NEDD4L: variants seen among roughly 807,000 people sequenced by gnomAD.
NEDD4L encodes the protein NEDD4 like E3 ubiquitin protein ligase.
A neutral mutation model predicts 148.9 loss-of-function variants in NEDD4L; 54 were observed. The ratio of observed to expected loss-of-function variants is 0.36; its 90% CI spans 0.29 to 0.45. NEDD4L has a LOEUF of 0.45. Among genes scored for constraint, NEDD4L ranks in the 20% least tolerant of loss-of-function variants. The pLI, the probability that NEDD4L is intolerant of heterozygous loss-of-function variation, is 1.00. For synonymous variants in NEDD4L, 433 were observed against 440.7 expected, an observed-to-expected ratio of 0.98 and a Z score of 0.22; for missense variants, 856 against 1,233.8, an observed-to-expected ratio of 0.69 and a Z score of 4.59.
intron 24 of NEDD4L, among the ~76,000 whole-genome samples, chr18:58,377,682 A>T (rs1406165174): frequency 6.6e-6 from 1 of 152,110 alleles, no homozygotes; most frequent in Non-Finnish European, 1.5e-5. Flanking sequence ...TTAGGGCTGT[A>T]ACAAGTGAAA....
In NEDD4L at chr18:58,256,608, C is replaced by T. The variant is rs2048615522; in HGVS notation, c.297+4554C>T. The T allele has an allele frequency of 2.4e-6, 3 of 1,232,096 alleles. No homozygotes were observed. The highest frequency in any genetic ancestry group is 8.2e-5 in the South Asian group (2 of 24,314). The allele number at this position is 1,232,096 out of a possible 1,614,324, so 76.3% of individuals were successfully genotyped here. A position where few individuals can be genotyped will look rare whatever the true frequency, so the allele number is the denominator to read the frequency against. ...CCTGAAATCCGCAGGACGAACTCCG[C>T]GGAGAGGACTCCGCAGGGCCAGGGG... On this transcript the variant is annotated intron_variant, in intron 5 of 30. Coordinates refer to ENST00000400345, the MANE Select transcript of NEDD4L (RefSeq NM_001144967.3). The surrounding 1 kb of genome is among the most constrained non-coding windows in gnomAD (Gnocchi z 5.2).
At chr18:58,079,083 G>A (rs2083310637) in intron 1 of NEDD4L, among the ~76,000 whole-genome samples, 1 of 152,164 alleles carries the variant, frequency 6.6e-6, no homozygotes, top group African/African-American at 2.4e-5. Flanking sequence ...GAAGACACCC[G>A]TGTCTGCGGG....
At chr18:58,378,771 C>G (rs2047923281) in intron 24 of NEDD4L, among the ~76,000 whole-genome samples, 1 of 152,314 alleles carries the variant, frequency 6.6e-6, no homozygotes, top group East Asian at 1.9e-4. Flanking sequence ...GCAGATAAGC[C>G]TTGCTCCACC....
intron 1 of NEDD4L, among the ~76,000 whole-genome samples, chr18:58,137,247 A>G (rs2032950004): frequency 6.6e-6 from 1 of 152,222 alleles, no homozygotes; most frequent in African/African-American, 2.4e-5. Flanking sequence ...ATTTATTCTT[A>G]GAGGAAATCA....
chr18:58,389,276 C>T, intron 28 of NEDD4L, 84 bp downstream of exon 28: 6 of 964,960 alleles, frequency 6.2e-6, no homozygotes, highest in Non-Finnish European at 9.5e-6. Context: ...TGTGGTCTGA[C>T]TTCAGGACTG....
intron 2 of NEDD4L, among the ~76,000 whole-genome samples, chr18:58,175,772 G>T (rs1414220420): frequency 6.6e-6 from 1 of 152,198 alleles, no homozygotes; most frequent in Non-Finnish European, 1.5e-5. Flanking sequence ...CGCAAATATA[G>T]ATAAAAACCT....
chr18:58,221,297 A>T (rs1462643301), intron 2 of NEDD4L, among the ~76,000 whole-genome samples: 2 of 152,230 alleles, frequency 1.3e-5, no homozygotes, highest in Admixed American at 6.5e-5. Context: ...ACATAGAGTC[A>T]TCCACAAAAC....
chr18:58,239,456 CCCCCTTGACATTTTG>C (rs1225984005), intron 2 of NEDD4L, among the ~76,000 whole-genome samples: 6 of 152,164 alleles, frequency 3.9e-5, no homozygotes, highest in African/African-American at 1.4e-4. Flanking sequence ...TGAATGTAAT[CCCCCTTGACATTTTG>C]CCCCTTGGAG....
intron 16 of NEDD4L, among the ~76,000 whole-genome samples, chr18:58,347,358 A>G (rs1052794825): frequency 6.6e-6 from 1 of 152,034 alleles, no homozygotes; most frequent in Middle Eastern, 3.4e-3. Context: ...AGCAGTCCTC[A>G]GCTTTCTCTA....
At chr18:58,328,230 G>C (rs377033569) in intron 9 of NEDD4L, among the ~76,000 whole-genome samples, 4 of 152,336 alleles carry the variant, frequency 2.6e-5, no homozygotes, top group African/African-American at 9.6e-5. Context: ...CTCCCAAAGT[G>C]CTGGGATTAC....
chr18:58,192,113 G>T (rs1196759291), intron 2 of NEDD4L, among the ~76,000 whole-genome samples: 4 of 152,182 alleles, frequency 2.6e-5, no homozygotes, highest in African/African-American at 4.8e-5. Flanking sequence ...GGAGGTTGCA[G>T]TGAGCTGAGA....
intron 5 of NEDD4L, among the ~76,000 whole-genome samples, chr18:58,279,988 T>C (rs1260821002): frequency 6.6e-6 from 1 of 152,152 alleles, no homozygotes; most frequent in Non-Finnish European, 1.5e-5. Context: ...ACCCCTTCCA[T>C]CCCTGAAGCA....
At chr18:58,316,065 TGGGGGC>T in intron 6 of NEDD4L, 33 bp downstream of exon 6, 1 of 1,571,034 alleles carries the variant, frequency 6.4e-7, no homozygotes, top group Non-Finnish European at 8.8e-7. Context: ...TGCTTCGTGC[TGGGGGC>T]GGGGGTTTCT....
chr18:58,123,744 G>A (rs7230023), intron 1 of NEDD4L, among the ~76,000 whole-genome samples: 3,093 of 152,008 alleles, frequency 0.02, 40 homozygotes, highest in African/African-American at 0.037. Context: ...TGATGACTTT[G>A]CTGCTTGTCT....
intron 1 of NEDD4L, among the ~76,000 whole-genome samples, chr18:58,143,520 G>C (rs1310801796): frequency 6.6e-6 from 1 of 152,228 alleles, no homozygotes; most frequent in Non-Finnish European, 1.5e-5. Context: ...TCCGTGTTAT[G>C]CTGTGTTGCA....
At chr18:58,185,898 T>G (rs1331031563) in intron 2 of NEDD4L, among the ~76,000 whole-genome samples, 1 of 151,010 alleles carries the variant, frequency 6.6e-6, no homozygotes, top group African/African-American at 2.4e-5. Context: ...AAAATTAAAA[T>G]TAAAAAGTAA....
chr18:58,144,739 C>T (rs1262565088), intron 1 of NEDD4L, among the ~76,000 whole-genome samples: 1 of 152,176 alleles, frequency 6.6e-6, no homozygotes, highest in Non-Finnish European at 1.5e-5. Context: ...GTGTACCGCA[C>T]AGTTCATGTT....
chr18:58,165,631 T>G, intron 1 of NEDD4L, 157 bp from the exon 2 acceptor site: 5 of 1,504,880 alleles, frequency 3.3e-6, no homozygotes, highest in Non-Finnish European at 4.4e-6. Context: ...TATTGCTTTT[T>G]GAACTTCAGT....
At chr18:58,348,273 C>G (rs1219726034) in intron 16 of NEDD4L, among the ~76,000 whole-genome samples, 1 of 150,614 alleles carries the variant, frequency 6.6e-6, no homozygotes, top group Non-Finnish European at 1.5e-5. Context: ...GCTGAGATTA[C>G]AAGTGTGAGC....
Sources: allele counts gnomAD v4.1 joint callset (sites outside exome capture counted in the v4.1 genomes callset), GRCh38; gene constraint gnomAD v4.1.1; non-coding constraint Gnocchi (gnomAD v3.1); transcripts MANE v1.5; gene names NCBI Gene and HGNC (gene_info 2026-07-23, HGNC 2026-07-21).